Variants in UGGT1 observed in about 807,000 individuals in gnomAD.
UGGT1 encodes the protein UDP-glucose:glycoprotein glucosyltransferase 1.
Under a neutral mutation model 203.9 loss-of-function variants are expected in UGGT1, and 107 were observed. The ratio of observed to expected loss-of-function variants is 0.52; its 90% CI spans 0.45 to 0.62. The LOEUF (loss-of-function observed/expected upper bound fraction) is 0.62. Among genes scored for constraint, UGGT1 ranks in the 20% least tolerant of loss-of-function variants. UGGT1 has a pLI of 0.00. For missense variants in UGGT1, 1,673 were observed against 1,867.2 expected, an observed-to-expected ratio of 0.90 and a Z score of 1.92; for synonymous variants, 628 against 653.5, an observed-to-expected ratio of 0.96 and a Z score of 0.59.
intron 22 of UGGT1, 96 bp from the exon 23 acceptor site, chr2:128,159,418 A>G: frequency 8.6e-7 from 1 of 1,158,732 alleles, no homozygotes; most frequent in Non-Finnish European, 1.3e-6. Context: ...TAAGAGAGAT[A>G]TTATTTGCTA....
Position 128,113,094 on chromosome 2 carries a change from T to C in UGGT1, c.532T>C (p.Leu178=), listed in dbSNP as rs759286857. The change falls in exon 6 of 41, where the codon TTA becomes CTA. Residue 178 remains leucine (L), a synonymous_variant. Coordinates refer to ENST00000259253, the MANE Select transcript of UGGT1 (RefSeq NM_020120.4). ...LLTASERPKP[L]LFKGDHRYPS... ...ATTATTTATTTTCAGACCCAAACCTTTATTGTTCAAAGGAGATCACAGATA... is the reference window on the plus strand; with the variant it reads ...ATTATTTATTTTCAGACCCAAACCTCTATTGTTCAAAGGAGATCACAGATA... 74 of 1,524,912 alleles carry C rather than the reference T, an allele frequency of 4.9e-5. No individual in the cohort carries two copies. The highest frequency in any genetic ancestry group is 6.0e-5 in the Non-Finnish European group (68 of 1,132,512). 94.5% of individuals were successfully genotyped at this position (1,524,912 alleles called of 1,614,324 possible). A position where few individuals can be genotyped will look rare whatever the true frequency, so the allele number is the denominator to read the frequency against.
At chr2:128,186,117 C>T (rs1036651316) in intron 38 of UGGT1, among the ~76,000 whole-genome samples, 2 of 152,166 alleles carry the variant, frequency 1.3e-5, no homozygotes, top group Non-Finnish European at 2.9e-5. Flanking sequence ...GGGTTAGGTG[C>T]AGGCTGTTTG....
chr2:128,136,805 G>A (rs1310653421), intron 15 of UGGT1, among the ~76,000 whole-genome samples: 1 of 152,148 alleles, frequency 6.6e-6, no homozygotes, highest in Admixed American at 6.5e-5. Context: ...CTAAAGTAGC[G>A]GTACCATTTT....
intron 16 of UGGT1, 130 bp downstream of exon 16, chr2:128,138,982 A>C: frequency 8.4e-7 from 1 of 1,195,814 alleles, no homozygotes; most frequent in African/African-American, 1.5e-5. Flanking sequence ...TTTAAAAGTC[A>C]TGTCTGCTGC....
rs1690506569 is a variant in UGGT1, at chr2:128,161,122, C to T, written c.2695-16C>T. Reference sequence around the variant, plus strand: ...AGCCTTCCAGAGCTAAGCGCCTGCTCTTCTCTCCTTCACAGATCATTGGGC... The same window carrying T: ...AGCCTTCCAGAGCTAAGCGCCTGCTTTTCTCTCCTTCACAGATCATTGGGC... On this transcript the variant is annotated splice_polypyrimidine_tract_variant and intron_variant, in intron 24 of 40. Transcript: ENST00000259253. 1 of 1,613,008 alleles carries T rather than the reference C, an allele frequency of 6.2e-7. No homozygotes were observed. The highest frequency in any genetic ancestry group is 1.7e-5 in the Admixed American group (1 of 59,880).
In UGGT1 at chr2:128,177,836, A is replaced by G; in HGVS notation, c.3629A>G (p.Gln1210Arg). 1 of 1,597,276 alleles carries G rather than the reference A, an allele frequency of 6.3e-7. No individual in the cohort carries two copies. The highest frequency in any genetic ancestry group is 8.5e-7 in the Non-Finnish European group (1 of 1,172,832). The change falls in exon 33 of 41, where the codon CAG becomes CGG. Residue 1210 changes from glutamine to arginine, a missense_variant. This residue lies in a region of UGGT1 where 513 missense variants were observed against 684.1 expected (regional missense o/e 0.75). Coordinates refer to ENST00000259253, the MANE Select transcript of UGGT1 (RefSeq NM_020120.4). Reference sequence around the variant, plus strand: ...GTTTATCACATTTGATTGCAGGTTCAGAAGAAGGCAGATATGGTGAACGAA... The same window carrying G: ...GTTTATCACATTTGATTGCAGGTTCGGAAGAAGGCAGATATGGTGAACGAA... ...FKSKIIKVKV[Q>R]KKADMVNEDL... is the part of the protein sequence containing the mutation.
chr2:128,149,361 T>C (rs552444596), intron 18 of UGGT1, among the ~76,000 whole-genome samples: 5 of 148,230 alleles, frequency 3.4e-5, no homozygotes, highest in African/African-American at 9.8e-5. Flanking sequence ...TTATAAAAAA[T>C]AGGCCGGGCG....
chr2:128,148,291 T>C (rs560793372), intron 18 of UGGT1, among the ~76,000 whole-genome samples: 4 of 152,214 alleles, frequency 2.6e-5, no homozygotes, highest in African/African-American at 9.6e-5. Context: ...TTCAGAACAT[T>C]GGTCTCGAAC....
Position 128,191,636 on chromosome 2 carries a change from A to G in UGGT1, c.*1894A>G, listed in dbSNP as rs1359738958. The G allele has an allele frequency of 1.3e-5, 2 of 152,230 alleles. No homozygotes were observed. Among genetic ancestry groups the G allele is most frequent in the Non-Finnish European group, 2.9e-5 (2 of 68,082 alleles). 9.4% of individuals were successfully genotyped at this position (152,230 alleles called of 1,614,324 possible). A position where few individuals can be genotyped will look rare whatever the true frequency, so the allele number is the denominator to read the frequency against. ...CACTTTGGGAGGCTGAGGCGGACGG[A>G]TCATGAGGTCAGGAGTTCAAGACCA... On this transcript the variant is annotated 3_prime_UTR_variant, in exon 41 of 41. Coordinates refer to ENST00000259253, the MANE Select transcript of UGGT1 (RefSeq NM_020120.4).
chr2:128,113,723 G>T lies in UGGT1; in HGVS notation c.696+465G>T. ...AGGCCGGGCGCGGTGGCTCACGCCT[G>T]TAATCCCAGCACTTTGGGAGGCCGA... is the stretch of plus-strand genomic sequence containing the variant. On this transcript the variant is annotated intron_variant, in intron 6 of 40. Transcript: ENST00000259253. Among the ~76,000 whole-genome samples the T allele has an allele frequency of 6.4e-4, 2 of 3,102 alleles. 1 individual carries two copies. The highest frequency in any genetic ancestry group is 0.037 in the Non-Finnish European group (2 of 54). 2.0% of individuals were successfully genotyped at this position (3,102 alleles called of 152,430 possible).
At chr2:128,181,577 T>A (rs1476863898) in intron 36 of UGGT1, among the ~76,000 whole-genome samples, 4 of 152,208 alleles carry the variant, frequency 2.6e-5, no homozygotes, top group Non-Finnish European at 5.9e-5. Flanking sequence ...AGCCTTCCAC[T>A]TCAGCCCGAG....
chr2:128,112,743 C>G (rs1329242971), intron 5 of UGGT1, among the ~76,000 whole-genome samples: 1 of 151,330 alleles, frequency 6.6e-6, no homozygotes. Context: ...CCACCATACC[C>G]AGCTAATTTT....
intron 18 of UGGT1, among the ~76,000 whole-genome samples, chr2:128,149,534 G>A (rs990886972): frequency 6.6e-6 from 1 of 151,204 alleles, no homozygotes; most frequent in Middle Eastern, 3.2e-3. Flanking sequence ...GGGAAACCGA[G>A]GTGGGCGGAT....
intron 17 of UGGT1, among the ~76,000 whole-genome samples, chr2:128,144,736 T>C (rs531810161): frequency 2.2e-4 from 34 of 152,340 alleles, no homozygotes; most frequent in South Asian, 4.1e-4. Context: ...TTACCTGTTA[T>C]TGAGCTTGTC....
rs1687941426 is a variant in UGGT1 at position 128,113,078 on chromosome 2, T to G, written c.522-6T>G. ...AAAGTTTTGAGCTTTTATTATTTAT[T>G]TTCAGACCCAAACCTTTATTGTTCA... is the stretch of plus-strand genomic sequence containing the variant. On this transcript the variant is annotated splice_polypyrimidine_tract_variant and splice_region_variant and intron_variant, in intron 5 of 40. Coordinates refer to ENST00000259253, the MANE Select transcript of UGGT1 (RefSeq NM_020120.4). 6.8e-7 allele frequency: 1 copy of G among 1,471,006 alleles called. No individual in the cohort carries two copies. 91.1% of individuals were successfully genotyped at this position (1,471,006 alleles called of 1,614,324 possible). A position where few individuals can be genotyped will look rare whatever the true frequency, so the allele number is the denominator to read the frequency against.
intron 28 of UGGT1, 152 bp downstream of exon 28, chr2:128,171,436 A>G (rs1026777222): frequency 1.4e-6 from 1 of 710,108 alleles, no homozygotes; most frequent in African/African-American, 1.8e-5. Flanking sequence ...TTTCATTCTA[A>G]TCAGAAGTTC....
In UGGT1 at chr2:128,138,831, T is replaced by C. The variant is rs561638182; in HGVS notation, c.1698T>C (p.His566=). 63 of 1,614,156 alleles carry C rather than the reference T, an allele frequency of 3.9e-5. No homozygotes were observed. In the South Asian group the frequency reaches 6.0e-4, roughly 15 times the overall value. The change falls in exon 16 of 41, where the codon CAT becomes CAC. Residue 566 remains histidine (H), a synonymous_variant. Transcript: ENST00000259253. ...NYVAQEVDDY[H]AFQTLTHIYN... Reference sequence around the variant, plus strand: ...TTGCCCAAGAAGTGGATGATTATCATGCCTTCCAGACTCTGACACATGTAC... The same window carrying C: ...TTGCCCAAGAAGTGGATGATTATCACGCCTTCCAGACTCTGACACATGTAC...
Position 128,123,189 on chromosome 2 carries a change from A to G in UGGT1, c.1077A>G (p.Ala359=). 6.2e-7 allele frequency: 1 copy of G among 1,613,242 alleles called. No homozygotes were observed. Residue 359 remains alanine (A), a synonymous_variant, in exon 11 of 41, where the codon GCA becomes GCG. Coordinates refer to ENST00000259253, the MANE Select transcript of UGGT1 (RefSeq NM_020120.4). Reference sequence around the variant, plus strand: ...CATAATGTTTTTATTTCCTTAGAGCAATAACAAAAACAGCTGTGAGCTCAG... The same window carrying G: ...CATAATGTTTTTATTTCCTTAGAGCGATAACAAAAACAGCTGTGAGCTCAG... ...LSQNFPTKAR[A]ITKTAVSSEL...
rs747675017 is a variant in UGGT1, at chr2:128,108,232, TA to T, written c.408+166del. The stretch of plus-strand genomic sequence containing the variant: ...AAAAAATAATAAGCAAAATTGATGT[TA>T]AGTCTTCAACCCACAGATTTAAAAA... On this transcript the variant is annotated intron_variant, in intron 4 of 40. Coordinates refer to ENST00000259253, the MANE Select transcript of UGGT1 (RefSeq NM_020120.4). Among the ~76,000 whole-genome samples the T allele has an allele frequency of 7.9e-4, 120 of 151,266 alleles. 2 individuals carry two copies. The highest frequency in any genetic ancestry group is 2.1e-3 in the South Asian group (10 of 4,748).
Sources: gnomAD v4.1 joint callset for allele counts (sites outside exome capture counted in the v4.1 genomes callset) on GRCh38, gnomAD v4.1.1 for gene constraint, gnomAD v4.1.1 regional missense constraint, MANE v1.5 for transcripts, NCBI Gene and HGNC (gene_info 2026-07-23, HGNC 2026-07-21) for gene names.